The following NXPE2 variants were observed in gnomAD, a reference collection of about 807,000 sequenced individuals.
NXPE2 encodes neurexophilin and PC-esterase domain family member 2.
In NXPE2, 34 loss-of-function variants were observed where a neutral mutation model predicts 34.4. That is an observed-to-expected ratio of 0.99 (90% CI 0.75 to 1.31). NXPE2 has a LOEUF of 1.31. Ranked by LOEUF, NXPE2 falls within the 40% of genes most tolerant of loss-of-function variation. NXPE2 has a pLI of 0.00. For missense variants in NXPE2, 649 were observed against 672.5 expected (o/e 0.97, Z 0.39); for synonymous variants, 235 against 231.3 (o/e 1.02, Z -0.15).
the NXPE2 span, chr11:114,595,694 T>C: frequency 3.3e-5 from 5 of 152,466 alleles, no homozygotes; most frequent in African/African-American, 1.2e-4. Flanking sequence ...ATACCTCTTG[T>C]CTATACCAAA....
chr11:114,522,943 G>T, the NXPE2 span: 2 of 1,613,464 alleles, frequency 1.2e-6, no homozygotes, highest in South Asian at 1.1e-5. Context: ...GGAGGTAAAT[G>T]AGTTTGCCTT....
chr11:114,645,488 C>A, the NXPE2 span, among the ~76,000 whole-genome samples: 1 of 151,878 alleles, frequency 6.6e-6, no homozygotes, highest in East Asian at 1.9e-4. Flanking sequence ...CAAACAAAAA[C>A]CAAAAACAAA....
chr11:114,580,299 A>G, the NXPE2 span: 1 of 1,614,114 alleles, frequency 6.2e-7, no homozygotes, highest in Non-Finnish European at 8.5e-7. Flanking sequence ...TGTGGATGTC[A>G]TTCCAAACTT....
the NXPE2 span, among the ~76,000 whole-genome samples, chr11:114,474,945 A>C: frequency 3.9e-5 from 6 of 152,222 alleles, no homozygotes; most frequent in African/African-American, 1.4e-4. Flanking sequence ...AAAACGTTCA[A>C]AACTCTATAA....
the NXPE2 span, among the ~76,000 whole-genome samples, chr11:114,533,620 A>G: frequency 0.23 from 34,616 of 152,190 alleles, 5,560 homozygotes; most frequent in African/African-American, 0.45. Flanking sequence ...CTTCACAAAC[A>G]GCACACCAGG....
chr11:114,727,308 C>G, the NXPE2 span, among the ~76,000 whole-genome samples: 1 of 152,014 alleles, frequency 6.6e-6, no homozygotes, highest in Non-Finnish European at 1.5e-5. Flanking sequence ...TGGCTGACCT[C>G]TCATATCTTC....
At chr11:114,799,898 C>G in the NXPE2 span, among the ~76,000 whole-genome samples, 1 of 151,784 alleles carries the variant, frequency 6.6e-6, no homozygotes, top group African/African-American at 2.4e-5. Flanking sequence ...TTCTCTTTCT[C>G]TTTATCCTTC....
the NXPE2 span, among the ~76,000 whole-genome samples, chr11:114,662,876 G>T: frequency 1.3e-5 from 2 of 152,100 alleles, no homozygotes; most frequent in Non-Finnish European, 2.9e-5. Flanking sequence ...GAGCACTTGC[G>T]CCTTGAATAA....
At chr11:114,538,936 A>G in the NXPE2 span, among the ~76,000 whole-genome samples, 2 of 152,168 alleles carry the variant, frequency 1.3e-5, no homozygotes, top group East Asian at 1.9e-4. Flanking sequence ...ATTACTGGGT[A>G]TATACCCAAA....
chr11:114,632,394 T>A, the NXPE2 span, among the ~76,000 whole-genome samples: 1 of 132,932 alleles, frequency 7.5e-6, no homozygotes, highest in Non-Finnish European at 1.5e-5. Context: ...GATATAAATA[T>A]AAATATACAT....
downstream of NXPE2, among the ~76,000 whole-genome samples, chr11:114,709,834 G>A (rs534176508): frequency 3.3e-5 from 5 of 152,008 alleles, no homozygotes; most frequent in East Asian, 3.9e-4. Context: ...CCCGGGAGGC[G>A]GAGGTTGCAG....
the NXPE2 span, among the ~76,000 whole-genome samples, chr11:114,577,603 C>T: frequency 7.9e-5 from 12 of 152,160 alleles, no homozygotes; most frequent in Middle Eastern, 3.4e-3. Context: ...ATTACGTGCA[C>T]GCCACCTTAT....
At chr11:114,778,625 A>G in the NXPE2 span, among the ~76,000 whole-genome samples, 1 of 152,166 alleles carries the variant, frequency 6.6e-6, no homozygotes, top group Non-Finnish European at 1.5e-5. Flanking sequence ...TGAAGAGACA[A>G]GGGAAACCAG....
At chr11:114,660,442 A>T in the NXPE2 span, among the ~76,000 whole-genome samples, 3 of 152,046 alleles carry the variant, frequency 2.0e-5, no homozygotes, top group African/African-American at 7.2e-5. Context: ...TTGGTAATAA[A>T]AGCCTTGTTC....
At chr11:114,781,702 A>C in the NXPE2 span, among the ~76,000 whole-genome samples, 1 of 152,182 alleles carries the variant, frequency 6.6e-6, no homozygotes, top group Non-Finnish European at 1.5e-5. Flanking sequence ...AATTCTGGGT[A>C]GTGGAAGTCT....
the NXPE2 span, among the ~76,000 whole-genome samples, chr11:114,658,362 C>T: frequency 5.3e-5 from 8 of 152,200 alleles, no homozygotes; most frequent in Non-Finnish European, 1.0e-4. Context: ...ATAGAATTTC[C>T]GGGAGCACAG....
chr11:114,482,124 G>A, the NXPE2 span, among the ~76,000 whole-genome samples: 3 of 152,138 alleles, frequency 2.0e-5, no homozygotes, highest in Non-Finnish European at 4.4e-5. Context: ...TTGAGTGCCT[G>A]TACCGTGTCA....
At chr11:114,688,733 T>G (rs1040216020) in intron 2 of NXPE2, among the ~76,000 whole-genome samples, 1 of 151,988 alleles carries the variant, frequency 6.6e-6, no homozygotes, top group East Asian at 1.9e-4. Context: ...TTCTGCATGA[T>G]AGGTTTTTAA....
the NXPE2 span, among the ~76,000 whole-genome samples, chr11:114,606,940 C>G: frequency 6.6e-6 from 1 of 151,762 alleles, no homozygotes; most frequent in Non-Finnish European, 1.5e-5. Context: ...TGGGTAACCA[C>G]TGTTATCCTG....
Sources: allele counts gnomAD v4.1 joint callset (sites outside exome capture counted in the v4.1 genomes callset), GRCh38; gene constraint gnomAD v4.1.1; transcripts MANE v1.5; gene names NCBI Gene and HGNC (gene_info 2026-07-23, HGNC 2026-07-21).